Variants in TMPRSS4 observed in about 807,000 individuals in gnomAD.
TMPRSS4 encodes transmembrane protease serine 4.
Under a neutral mutation model 56.4 loss-of-function variants are expected in TMPRSS4, and 45 were observed. The observed-to-expected ratio is 0.80, with a 90% CI of 0.63 to 1.02. TMPRSS4 has a LOEUF of 1.02. Ranked by LOEUF, TMPRSS4 falls within the 50% of genes least tolerant of loss-of-function variation. The pLI is 0.00. For missense variants in TMPRSS4, 546 were observed against 556.7 expected, an observed-to-expected ratio of 0.98 and a Z score of 0.19; for synonymous variants, 205 against 211.0, an observed-to-expected ratio of 0.97 and a Z score of 0.25.
Position 118,115,457 on chromosome 11 carries a change from A to G in TMPRSS4, c.1152+177A>G, listed in dbSNP as rs7102937. 3.2e-3 allele frequency: 2,241 copies of G among 691,488 alleles called. 42 individuals are homozygous for G. In the African/African-American group the frequency reaches 0.036, roughly 11 times the overall value. 42.8% of individuals were successfully genotyped at this position (691,488 alleles called of 1,614,324 possible). ...AGGATAGTCAGATAAAAGTGTACCAATAGATGAGTGGGTGGATGGATGGAT... is the reference window on the plus strand; with the variant it reads ...AGGATAGTCAGATAAAAGTGTACCAGTAGATGAGTGGGTGGATGGATGGAT... On this transcript the variant is annotated intron_variant, in intron 11 of 12. Coordinates refer to ENST00000437212, the MANE Select transcript of TMPRSS4 (RefSeq NM_019894.4).
At chr11:118,111,355 GGT>G (rs1947266826) in intron 7 of TMPRSS4, among the ~76,000 whole-genome samples, 1 of 152,134 alleles carries the variant, frequency 6.6e-6, no homozygotes, top group Admixed American at 6.5e-5. Flanking sequence ...ATAGCTTGTG[GGT>G]GTCTGTTTAC....
rs1371670447 is a variant in TMPRSS4 at position 118,119,290 on chromosome 11, G to A, written c.*1377G>A. 1.2e-5 allele frequency: 12 copies of A among 985,324 alleles called. No individual in the cohort carries two copies. Among genetic ancestry groups the A allele is most frequent in the Non-Finnish European group, 1.4e-5 (12 of 829,936 alleles). 61.0% of individuals were successfully genotyped at this position (985,324 alleles called of 1,614,324 possible). Reference sequence around the variant, plus strand: ...ACCTGGACACACTGAAGACAAGGGAGCTGAACCAGGGCTCCTACATGAAGC... The same window carrying A: ...ACCTGGACACACTGAAGACAAGGGAACTGAACCAGGGCTCCTACATGAAGC... On this transcript the variant is annotated 3_prime_UTR_variant, in exon 13 of 13. Transcript: ENST00000437212.
chr11:118,099,382 GA>G (rs1379207158), intron 3 of TMPRSS4, among the ~76,000 whole-genome samples: 1 of 149,578 alleles, frequency 6.7e-6, no homozygotes, highest in African/African-American at 2.5e-5. Flanking sequence ...AAGCTTTGCA[GA>G]AAAAATCATT....
In TMPRSS4 at chr11:118,104,869, T is replaced by A. The variant is rs368003116; in HGVS notation, c.440+49T>A. 84 of 1,498,586 alleles carry A rather than the reference T, an allele frequency of 5.6e-5. No homozygotes were observed. The Admixed American group carries it at 1.2e-3, about 21-fold the overall frequency. 92.8% of individuals were successfully genotyped at this position (1,498,586 alleles called of 1,614,324 possible). A position where few individuals can be genotyped will look rare whatever the true frequency, so the allele number is the denominator to read the frequency against. The stretch of plus-strand genomic sequence containing the variant: ...TTTTTCCCTCCTTCCTCCTTCCTCC[T>A]CTTCCTCCTTTCCTTCCTCCCTTCT... On this transcript the variant is annotated intron_variant, in intron 5 of 12. Coordinates refer to ENST00000437212, the MANE Select transcript of TMPRSS4 (RefSeq NM_019894.4).
chr11:118,089,991 C>T (rs557689679), intron 1 of TMPRSS4, among the ~76,000 whole-genome samples: 2 of 152,200 alleles, frequency 1.3e-5, no homozygotes, highest in East Asian at 3.9e-4. Context: ...ATTACAGGCG[C>T]GTGCCACCAC....
chr11:118,080,005 T>TC (rs1046492153), intron 1 of TMPRSS4, among the ~76,000 whole-genome samples: 36 of 151,080 alleles, frequency 2.4e-4, no homozygotes, highest in African/African-American at 5.1e-4. Context: ...CTGTAACCAC[T>TC]CCCCCCCCAC....
chr11:118,111,697 A>T, intron 7 of TMPRSS4, 44 bp from the exon 8 acceptor site: 1 of 1,507,726 alleles, frequency 6.6e-7, no homozygotes, highest in South Asian at 1.3e-5. Flanking sequence ...CTCATCCCCA[A>T]CAGCCTGACT....
chr11:118,090,454 A>G (rs1945859618), intron 1 of TMPRSS4, among the ~76,000 whole-genome samples: 1 of 151,698 alleles, frequency 6.6e-6, no homozygotes, highest in African/African-American at 2.4e-5. Context: ...ATTTTTTTCC[A>G]CAACTACTAC....
chr11:118,094,239 T>A (rs958655913), intron 1 of TMPRSS4, among the ~76,000 whole-genome samples: 1 of 152,242 alleles, frequency 6.6e-6, no homozygotes, highest in African/African-American at 2.4e-5. Context: ...AAAGTATTTG[T>A]ACCACTTTAC....
chr11:118,103,014 C>T (rs1039208189), intron 3 of TMPRSS4, 87 bp from the exon 4 acceptor site: 2 of 1,543,792 alleles, frequency 1.3e-6, no homozygotes, highest in East Asian at 2.3e-5. Flanking sequence ...GTCTGAGAGC[C>T]CAGCACTATC....
At chr11:118,124,615 T>A (rs924732752), downstream of TMPRSS4, among the ~76,000 whole-genome samples, 21 of 152,182 alleles carry the variant, frequency 1.4e-4, no homozygotes, top group African/African-American at 4.8e-4. Context: ...AAGGAGAAAT[T>A]GACAAATCCA....
chr11:118,091,271 T>A (rs1183639134), intron 1 of TMPRSS4, among the ~76,000 whole-genome samples: 2 of 152,200 alleles, frequency 1.3e-5, no homozygotes, highest in African/African-American at 2.4e-5. Context: ...GCTCCAGCCA[T>A]GCCCATCTCT....
chr11:118,094,085 C>T (rs761168588), intron 1 of TMPRSS4, among the ~76,000 whole-genome samples: 20 of 152,266 alleles, frequency 1.3e-4, no homozygotes, highest in South Asian at 2.1e-4. Flanking sequence ...ACTAATGAAG[C>T]GACTATAAAC....
At chr11:118,086,286 G>T (rs958474774) in intron 1 of TMPRSS4, among the ~76,000 whole-genome samples, 8 of 152,226 alleles carry the variant, frequency 5.3e-5, no homozygotes, top group African/African-American at 1.9e-4. Context: ...ATAATGGCAG[G>T]CTGCCTGACT....
chr11:118,097,563 G>A (rs1395479001), intron 2 of TMPRSS4, among the ~76,000 whole-genome samples: 1 of 152,038 alleles, frequency 6.6e-6, no homozygotes, highest in Non-Finnish European at 1.5e-5. Context: ...AAGGAGTGGG[G>A]GACTTAAAAG....
At position 118,104,735 on chromosome 11, in the gene TMPRSS4, G is replaced by A. The variant is rs541545208; in HGVS notation, c.355G>A (p.Ala119Thr). The change falls in exon 5 of 13, where the codon GCC (alanine) becomes ACC (threonine). Residue 119 changes from alanine to threonine, a missense_variant. Transcript: ENST00000437212. Reference protein sequence around the residue: ...DRSTLQVLDSATGNWFSACFD... With the variant: ...DRSTLQVLDSTTGNWFSACFD... ...ATCCACACTGCAGGTGCTGGACTCG[G>A]CCACAGGGAACTGGTTCTCTGCCTG... is the stretch of plus-strand genomic sequence containing the variant. The A allele has an allele frequency of 1.2e-6, 2 of 1,614,176 alleles. No individual in the cohort carries two copies. Among genetic ancestry groups the A allele is most frequent in the South Asian group, 2.2e-5 (2 of 91,086 alleles).
At chr11:118,113,542 C>A in intron 9 of TMPRSS4, 107 bp downstream of exon 9, 1 of 1,293,634 alleles carries the variant, frequency 7.7e-7, no homozygotes, top group African/African-American at 1.5e-5. Flanking sequence ...CCTCTCAAGT[C>A]CTCAGCTTGC....
At position 118,098,238 on chromosome 11, in the gene TMPRSS4, T is replaced by C. The variant is rs1946519488; in HGVS notation, c.44-747T>C. Reference sequence around the variant, plus strand: ...TTCCAACTTGCCTTTATTCCCCTGGTACCCCAGGCACACCAGGCAGCCTAC... The same window carrying C: ...TTCCAACTTGCCTTTATTCCCCTGGCACCCCAGGCACACCAGGCAGCCTAC... On this transcript the variant is annotated intron_variant, in intron 2 of 12. Coordinates refer to ENST00000437212, the MANE Select transcript of TMPRSS4 (RefSeq NM_019894.4). Among the ~76,000 whole-genome samples, 3 of 151,418 alleles carry C rather than the reference T, an allele frequency of 2.0e-5. 1 individual carries two copies. In the South Asian group the frequency reaches 6.2e-4, roughly 31 times the overall value.
intron 1 of TMPRSS4, among the ~76,000 whole-genome samples, chr11:118,081,621 T>G (rs966144111): frequency 1.3e-5 from 2 of 152,128 alleles, no homozygotes; most frequent in African/African-American, 4.8e-5. Context: ...TGTCCAGGGG[T>G]GGCAGTCGCG....
Sources: gnomAD v4.1 joint callset for allele counts (sites outside exome capture counted in the v4.1 genomes callset) on GRCh38, gnomAD v4.1.1 for gene constraint, MANE v1.5 for transcripts, NCBI Gene and HGNC (gene_info 2026-07-23, HGNC 2026-07-21) for gene names.